The following RASAL2 variants were observed in gnomAD, a reference collection of about 807,000 sequenced individuals.
RASAL2 encodes the protein ras GTPase-activating protein nGAP.
RASAL2 carries 58 observed loss-of-function variants against 128.9 expected under a neutral mutation model. The observed-to-expected ratio is 0.45, with a 90% CI of 0.36 to 0.56. RASAL2 has a LOEUF of 0.56. Among genes scored for constraint, RASAL2 ranks in the 20% least tolerant of loss-of-function variants. The pLI is 0.00. For missense variants in RASAL2, 1,360 were observed against 1,601.6 expected, an observed-to-expected ratio of 0.85 and a Z score of 2.57; for synonymous variants, 561 against 580.8, an observed-to-expected ratio of 0.97 and a Z score of 0.49.
At chr1:178,352,527 C>T (rs554929864) in intron 3 of RASAL2, among the ~76,000 whole-genome samples, 1 of 152,234 alleles carries the variant, frequency 6.6e-6, no homozygotes, top group Non-Finnish European at 1.5e-5. Context: ...TTATTGAGTG[C>T]TGGCAGTTTT....
At chr1:178,138,814 T>C (rs1044756704) in intron 1 of RASAL2, among the ~76,000 whole-genome samples, 2 of 152,116 alleles carry the variant, frequency 1.3e-5, no homozygotes, top group South Asian at 4.1e-4. Flanking sequence ...CTTTTGTGAG[T>C]ATCAAATCAA....
intron 1 of RASAL2, among the ~76,000 whole-genome samples, chr1:178,181,752 A>G (rs1662117720): frequency 6.6e-6 from 1 of 151,656 alleles, no homozygotes; most frequent in African/African-American, 2.4e-5. Flanking sequence ...AAGGTTTTGT[A>G]AAAGTACCTC....
intron 3 of RASAL2, among the ~76,000 whole-genome samples, chr1:178,320,529 A>G (rs916471729): frequency 3.9e-5 from 6 of 152,086 alleles, no homozygotes; most frequent in African/African-American, 1.4e-4. Context: ...GAAAAGCGCA[A>G]TATTTGGGTG....
At chr1:178,411,238 TG>T (rs1221306443) in intron 4 of RASAL2, among the ~76,000 whole-genome samples, 1 of 151,568 alleles carries the variant, frequency 6.6e-6, no homozygotes, top group African/African-American at 2.4e-5. Flanking sequence ...AACGAAATAA[TG>T]GCATTCGCAG....
rs540981358 is a variant in RASAL2, at chr1:178,334,075, G to A, written c.457+33957G>A. Among the ~76,000 whole-genome samples, 8 of 152,228 alleles carry A rather than the reference G, an allele frequency of 5.3e-5. No homozygotes were observed. The East Asian group carries it at 7.7e-4, about 15-fold the overall frequency. On this transcript the variant is annotated intron_variant, in intron 3 of 17. Coordinates refer to ENST00000367649, the MANE Select transcript of RASAL2 (RefSeq NM_170692.4). ...ATCATGAATTGATTATAGGCCTTGC[G>A]TAATTCCATGCTTTTTATAACATTG...
At chr1:178,182,119 T>C (rs755093690) in intron 1 of RASAL2, among the ~76,000 whole-genome samples, 1 of 152,198 alleles carries the variant, frequency 6.6e-6, no homozygotes, top group Non-Finnish European at 1.5e-5. Context: ...ACCCCATTTA[T>C]TTATTTATTT....
At chr1:178,411,971 G>C (rs147258538) in intron 4 of RASAL2, 1 of 580,078 alleles carries the variant, frequency 1.7e-6, no homozygotes, top group African/African-American at 1.9e-5. Flanking sequence ...ATCCCCTCTT[G>C]ACGGCACCCA....
At chr1:178,226,613 T>C (rs1663797674) in intron 1 of RASAL2, among the ~76,000 whole-genome samples, 1 of 152,192 alleles carries the variant, frequency 6.6e-6, no homozygotes, top group Admixed American at 6.5e-5. Flanking sequence ...TGTTGACTTA[T>C]ATGCCATTTG....
chr1:178,265,694 A>G (rs1330793216), intron 1 of RASAL2, among the ~76,000 whole-genome samples: 3 of 152,194 alleles, frequency 2.0e-5, no homozygotes, highest in Admixed American at 6.5e-5. Context: ...GAATTTGCAT[A>G]AAGGGGCATA....
intron 1 of RASAL2, among the ~76,000 whole-genome samples, chr1:178,155,376 G>A (rs986487388): frequency 7.2e-6 from 1 of 139,466 alleles, no homozygotes; most frequent in African/African-American, 2.7e-5. Context: ...TAAATTTGCT[G>A]TTTATTTTAA....
intron 1 of RASAL2, among the ~76,000 whole-genome samples, chr1:178,131,177 C>A (rs919843642): frequency 6.6e-6 from 1 of 151,806 alleles, no homozygotes; most frequent in Middle Eastern, 3.4e-3. Context: ...GTGCCAAGAC[C>A]CTTTTAAAGG....
Position 178,114,768 on chromosome 1 carries a change from C to T in RASAL2, c.202+20074C>T, listed in dbSNP as rs1375828973. Among the ~76,000 whole-genome samples the T allele has an allele frequency of 5.3e-5, 8 of 152,256 alleles. No homozygotes were observed. The East Asian group carries it at 9.7e-4, about 18-fold the overall frequency. ...CGATCTCCTGACCTCGTGATCCGCCCGCCTTGGCCTCCCAAAGGGCTGGGA... is the reference window on the plus strand; with the variant it reads ...CGATCTCCTGACCTCGTGATCCGCCTGCCTTGGCCTCCCAAAGGGCTGGGA... On this transcript the variant is annotated intron_variant, in intron 1 of 17. Transcript: ENST00000367649.
At chr1:178,111,084 T>C (rs934489214) in intron 1 of RASAL2, among the ~76,000 whole-genome samples, 1 of 152,220 alleles carries the variant, frequency 6.6e-6, no homozygotes, top group Admixed American at 6.5e-5. Flanking sequence ...ATTTTGAGAT[T>C]CATCCATGTT....
chr1:178,292,369 C>G (rs1667318962), intron 2 of RASAL2, among the ~76,000 whole-genome samples: 1 of 152,110 alleles, frequency 6.6e-6, no homozygotes, highest in Non-Finnish European at 1.5e-5. Context: ...TGTTTCTTGT[C>G]AGAACTGGGG....
rs1659280089 is a variant in RASAL2, at chr1:178,110,638, A to ATG, written c.202+15945_202+15946insGT. Among the ~76,000 whole-genome samples, 25 of 26,990 alleles carry ATG rather than the reference A, an allele frequency of 9.3e-4. 1 individual carries two copies. 17.7% of individuals were successfully genotyped at this position (26,990 alleles called of 152,430 possible). A position where few individuals can be genotyped will look rare whatever the true frequency, so the allele number is the denominator to read the frequency against. On this transcript the variant is annotated intron_variant, in intron 1 of 17. Transcript: ENST00000367649. ...TATATACACTATATATAGTGTATAC[A>ATG]TATATATATATATATGTATGTATAC...
At chr1:178,350,521 A>C (rs907254032) in intron 3 of RASAL2, among the ~76,000 whole-genome samples, 5 of 152,180 alleles carry the variant, frequency 3.3e-5, no homozygotes, top group African/African-American at 1.2e-4. Context: ...GGTGTGAGCC[A>C]CCACTCCCAG....
At chr1:178,331,876 C>G (rs187664275) in intron 3 of RASAL2, among the ~76,000 whole-genome samples, 1 of 152,118 alleles carries the variant, frequency 6.6e-6, no homozygotes, top group Admixed American at 6.5e-5. Context: ...CATGAGCCAC[C>G]ATGCCCAGCC....
At chr1:178,461,075 A>G (rs1250561999) in intron 14 of RASAL2, among the ~76,000 whole-genome samples, 1 of 152,088 alleles carries the variant, frequency 6.6e-6, no homozygotes, top group Non-Finnish European at 1.5e-5. Context: ...CGGCCTCCCA[A>G]AGTGCTTTGA....
rs543665611 is a variant in RASAL2 at position 178,476,568 on chromosome 1, A to T, written c.*3329A>T. 2 of 152,182 alleles carry T rather than the reference A, an allele frequency of 1.3e-5. No homozygotes were observed. Among genetic ancestry groups the T allele is most frequent in the Non-Finnish European group, 2.9e-5 (2 of 68,040 alleles). 9.4% of individuals were successfully genotyped at this position (152,182 alleles called of 1,614,324 possible). The stretch of plus-strand genomic sequence containing the variant: ...GCTATAGCTTTTTGCTTTTTTTCAT[A>T]TAGTATCAAGTTGGTCAGAATTAGC... On this transcript the variant is annotated 3_prime_UTR_variant, in exon 18 of 18. Coordinates refer to ENST00000367649, the MANE Select transcript of RASAL2 (RefSeq NM_170692.4).
Sources: gnomAD v4.1 joint callset for allele counts (sites outside exome capture counted in the v4.1 genomes callset) on GRCh38, gnomAD v4.1.1 for gene constraint, MANE v1.5 for transcripts, NCBI Gene and HGNC (gene_info 2026-07-23, HGNC 2026-07-21) for gene names.